PCDH9: variants seen among roughly 807,000 people sequenced by gnomAD.
The protein encoded by PCDH9 is protocadherin 9, also known as protocadherin-9.
Under a neutral mutation model 70.6 loss-of-function variants are expected in PCDH9, and 24 were observed. The ratio of observed to expected loss-of-function variants is 0.34; its 90% CI spans 0.25 to 0.48. The LOEUF (loss-of-function observed/expected upper bound fraction) is 0.48, where lower values mean the gene tolerates loss of function less well. PCDH9 is among the 20% of genes least tolerant of loss of function. PCDH9 has a pLI of 0.99. For synonymous variants in PCDH9, 562 were observed against 558.5 expected (o/e 1.01, Z -0.09); for missense variants, 1,281 against 1,503.6 (o/e 0.85, Z 2.45).
chr13:66,680,258 T>C (rs1047002933), intron 3 of PCDH9, among the ~76,000 whole-genome samples: 1 of 151,998 alleles, frequency 6.6e-6, no homozygotes, highest in East Asian at 1.9e-4. Flanking sequence ...GCTGATTCAG[T>C]GTTTCCTCAC....
At chr13:66,461,927 A>G (rs1958432134) in intron 4 of PCDH9, among the ~76,000 whole-genome samples, 2 of 151,806 alleles carry the variant, frequency 1.3e-5, no homozygotes, top group Non-Finnish European at 2.9e-5. Flanking sequence ...CAGAGGCCTT[A>G]CCATACCATC....
chr13:66,636,109 C>T (rs889367206), intron 3 of PCDH9, among the ~76,000 whole-genome samples: 1 of 152,068 alleles, frequency 6.6e-6, no homozygotes, highest in Admixed American at 6.6e-5. Context: ...AAGCTAATTT[C>T]CAACCACACA....
chr13:66,336,549 T>C (rs1345856531), intron 4 of PCDH9, among the ~76,000 whole-genome samples: 1 of 152,084 alleles, frequency 6.6e-6, no homozygotes, highest in Non-Finnish European at 1.5e-5. Context: ...TATGGATGCT[T>C]TTAAAAATGC....
At chr13:66,669,641 G>A (rs903693399) in intron 3 of PCDH9, among the ~76,000 whole-genome samples, 1 of 152,106 alleles carries the variant, frequency 6.6e-6, no homozygotes, top group Non-Finnish European at 1.5e-5. Context: ...GGATAAGAAA[G>A]TGGAAGTAAA....
intron 2 of PCDH9, among the ~76,000 whole-genome samples, chr13:67,006,341 T>C (rs1566358188): frequency 6.6e-6 from 1 of 152,180 alleles, no homozygotes; most frequent in African/African-American, 2.4e-5. Context: ...TGCAGGAATG[T>C]ATAAAATACA....
At chr13:66,775,279 G>A (rs1157151711) in intron 3 of PCDH9, among the ~76,000 whole-genome samples, 2 of 152,172 alleles carry the variant, frequency 1.3e-5, no homozygotes, top group Non-Finnish European at 2.9e-5. Context: ...TCAGATTTGT[G>A]TAGAGTATAC....
chr13:66,777,897 G>A (rs1445676282), intron 3 of PCDH9, among the ~76,000 whole-genome samples: 2 of 151,936 alleles, frequency 1.3e-5, no homozygotes, highest in African/African-American at 2.4e-5. Flanking sequence ...GTCCAACAAC[G>A]ATAGACTGGA....
At chr13:66,399,388 T>G (rs191651583) in intron 4 of PCDH9, among the ~76,000 whole-genome samples, 127 of 152,308 alleles carry the variant, frequency 8.3e-4, no homozygotes, top group African/African-American at 2.8e-3. Context: ...GCCAGCGGCT[T>G]ATTTTTGATG....
intron 3 of PCDH9, among the ~76,000 whole-genome samples, chr13:66,897,529 C>T (rs1229895963): frequency 1.3e-5 from 2 of 151,924 alleles, no homozygotes; most frequent in African/African-American, 2.4e-5. Flanking sequence ...ATCAAATATG[C>T]CTGTTTTCAT....
At chr13:66,871,243 T>TG (rs966197602) in intron 3 of PCDH9, among the ~76,000 whole-genome samples, 1 of 66,936 alleles carries the variant, frequency 1.5e-5, no homozygotes, top group Non-Finnish European at 3.1e-5. Flanking sequence ...TGTTGTGGGG[T>TG]GGGGGGATGG....
At chr13:66,368,263 C>A (rs1171184949) in intron 4 of PCDH9, among the ~76,000 whole-genome samples, 1 of 151,764 alleles carries the variant, frequency 6.6e-6, no homozygotes, top group Non-Finnish European at 1.5e-5. Flanking sequence ...TGAAAGTACA[C>A]CAGTTTGTGT....
chr13:66,600,991 G>A (rs1566447935), intron 4 of PCDH9, among the ~76,000 whole-genome samples: 1 of 144,368 alleles, frequency 6.9e-6, no homozygotes, highest in Non-Finnish European at 1.6e-5. Flanking sequence ...CATTTCCATT[G>A]GTTTTCATAA....
In PCDH9 at chr13:66,304,610, A is replaced by T. The variant is rs1483805138; in HGVS notation, c.*45T>A. On this transcript the variant is annotated 3_prime_UTR_variant, in exon 5 of 5. Transcript: ENST00000377865. Reference sequence around the variant, plus strand: ...TACATAAAGCTCTGACGCACACGGTATTAGCATGTCTATTTAAAGTTATTA... The same window carrying T: ...TACATAAAGCTCTGACGCACACGGTTTTAGCATGTCTATTTAAAGTTATTA... 1 of 1,514,004 alleles carries T rather than the reference A, an allele frequency of 6.6e-7. No individual in the cohort carries two copies. The highest frequency in any genetic ancestry group is 1.4e-5 in the African/African-American group (1 of 72,988). 93.8% of individuals were successfully genotyped at this position (1,514,004 alleles called of 1,614,324 possible).
chr13:66,908,745 T>C (rs2082406357), intron 2 of PCDH9, among the ~76,000 whole-genome samples: 2 of 142,824 alleles, frequency 1.4e-5, no homozygotes, highest in South Asian at 4.6e-4. Flanking sequence ...ATGTTTTCTA[T>C]GTACCTTCTT....
chr13:66,382,347 C>G (rs1956863540), intron 4 of PCDH9, among the ~76,000 whole-genome samples: 1 of 151,722 alleles, frequency 6.6e-6, no homozygotes. Flanking sequence ...CTGATGAGAC[C>G]TAGAAACAGG....
chr13:66,927,894 A>G (rs2082742071), intron 2 of PCDH9, among the ~76,000 whole-genome samples: 1 of 152,126 alleles, frequency 6.6e-6, no homozygotes, highest in Non-Finnish European at 1.5e-5. Flanking sequence ...AATTCTGCCC[A>G]TAACACCTAC....
chr13:66,587,704 G>C (rs1006697165), intron 4 of PCDH9, among the ~76,000 whole-genome samples: 8 of 151,602 alleles, frequency 5.3e-5, no homozygotes, highest in African/African-American at 1.9e-4. Flanking sequence ...GATCGTCAGA[G>C]GTAGACTTCC....
intron 4 of PCDH9, among the ~76,000 whole-genome samples, chr13:66,466,869 G>A (rs1302968385): frequency 6.6e-6 from 1 of 152,008 alleles, no homozygotes; most frequent in Non-Finnish European, 1.5e-5. Flanking sequence ...TATGAACTAA[G>A]AAGTACACCA....
intron 3 of PCDH9, among the ~76,000 whole-genome samples, chr13:66,693,119 C>T (rs373076556): frequency 2.6e-4 from 40 of 152,174 alleles, no homozygotes; most frequent in African/African-American, 8.9e-4. Flanking sequence ...TTTTATTCCA[C>T]GTTCTATCCT....
Sources: gnomAD v4.1 joint callset for allele counts (sites outside exome capture counted in the v4.1 genomes callset) on GRCh38, gnomAD v4.1.1 for gene constraint, MANE v1.5 for transcripts, NCBI Gene and HGNC (gene_info 2026-07-23, HGNC 2026-07-21) for gene names.